PPP1CB: variants seen among roughly 807,000 people sequenced by gnomAD.
PPP1CB encodes serine/threonine-protein phosphatase PP1-beta catalytic subunit.
Under a neutral mutation model 43.7 loss-of-function variants are expected in PPP1CB, and 2 were observed. The ratio of observed to expected loss-of-function variants is 0.05; its 90% CI spans 0.02 to 0.14. The LOEUF is 0.14. Ranked by LOEUF, PPP1CB falls within the 10% of genes least tolerant of loss-of-function variation. The pLI is 1.00. For missense variants in PPP1CB, 84 were observed against 398.0 expected (o/e 0.21, Z 6.71); for synonymous variants, 136 against 135.6 (o/e 1.00, Z -0.02).
intron 1 of PPP1CB, among the ~76,000 whole-genome samples, chr2:28,761,372 G>C (rs955845428): frequency 2.6e-5 from 4 of 152,176 alleles, no homozygotes; most frequent in African/African-American, 9.7e-5. Context: ...ATATTAATAA[G>C]TATTGATACA....
chr2:28,778,638 C>G, intron 2 of PPP1CB, 171 bp from the exon 3 acceptor site: 2 of 588,548 alleles, frequency 3.4e-6, no homozygotes, highest in Non-Finnish European at 6.1e-6. Flanking sequence ...GTAACTTAAT[C>G]TTGGAAGTGA....
chr2:28,794,983 C>T (rs781281167), intron 7 of PPP1CB, among the ~76,000 whole-genome samples: 1 of 152,126 alleles, frequency 6.6e-6, no homozygotes, highest in Non-Finnish European at 1.5e-5. Context: ...TTTCATTTCA[C>T]ATTCCCCCTC....
chr2:28,791,624 G>A (rs546206298), intron 6 of PPP1CB, among the ~76,000 whole-genome samples: 8 of 152,126 alleles, frequency 5.3e-5, no homozygotes, highest in East Asian at 1.9e-4. Context: ...CACCTCGCCC[G>A]GCCTGACAAA....
chr2:28,756,434 G>A (rs1666490398), intron 1 of PPP1CB, among the ~76,000 whole-genome samples: 3 of 152,110 alleles, frequency 2.0e-5, no homozygotes, highest in Admixed American at 2.0e-4. Context: ...CTCTTAGTGC[G>A]TATCTCCCTT....
intron 1 of PPP1CB, among the ~76,000 whole-genome samples, chr2:28,764,275 A>G (rs1301748234): frequency 6.6e-6 from 1 of 151,876 alleles, no homozygotes; most frequent in African/African-American, 2.4e-5. Flanking sequence ...CCTAGCTAAC[A>G]TGCTGAAATC....
chr2:28,798,321 C>G (rs1371890991), intron 7 of PPP1CB, among the ~76,000 whole-genome samples: 1 of 152,066 alleles, frequency 6.6e-6, no homozygotes, highest in African/African-American at 2.4e-5. Context: ...GAATAGAGTT[C>G]TCATATGATG....
rs1666582870 is a variant in PPP1CB at position 28,759,297 on chromosome 2, C to T, written c.52+7121C>T. ...TTGGGAGGCCAAGGCAGGTGGACCA[C>T]TTGAGGTCAGGAGTTCGAGACCAGC... is the stretch of plus-strand genomic sequence containing the variant. On this transcript the variant is annotated intron_variant, in intron 1 of 7. Transcript: ENST00000395366. 2.0e-5 allele frequency among the ~76,000 whole-genome samples: 3 copies of T among 152,092 alleles called. No individual in the cohort carries two copies. The South Asian group carries it at 6.2e-4, about 32-fold the overall frequency.
chr2:28,755,967 C>T (rs139389497), intron 1 of PPP1CB, among the ~76,000 whole-genome samples: 1 of 152,292 alleles, frequency 6.6e-6, no homozygotes, highest in Admixed American at 6.5e-5. Flanking sequence ...CCCTGTAATT[C>T]CACAATCCAG....
chr2:28,780,084 C>CT (rs10559224), intron 3 of PPP1CB, among the ~76,000 whole-genome samples: 18,878 of 131,440 alleles, frequency 0.14, 1,963 homozygotes, highest in East Asian at 0.45. Context: ...TCTTTTCTTT[C>CT]TTTTTTTTTT....
chr2:28,788,612 A>C, intron 5 of PPP1CB, 46 bp from the exon 6 acceptor site: 1 of 1,578,924 alleles, frequency 6.3e-7, no homozygotes, highest in East Asian at 2.2e-5. Context: ...ATATTCTATA[A>C]ATCTGTAAAT....
At chr2:28,754,055 C>T (rs1666418953) in intron 1 of PPP1CB, among the ~76,000 whole-genome samples, 1 of 152,110 alleles carries the variant, frequency 6.6e-6, no homozygotes, top group Admixed American at 6.6e-5. Flanking sequence ...ATATTTTAAA[C>T]TTTGCTTGTA....
At chr2:28,786,609 C>A (rs1044544485) in intron 5 of PPP1CB, among the ~76,000 whole-genome samples, 2 of 151,276 alleles carry the variant, frequency 1.3e-5, no homozygotes, top group African/African-American at 4.9e-5. Flanking sequence ...ACGGTGAAAC[C>A]CCATCTCTAC....
chr2:28,802,856 C>T lies in PPP1CB; in HGVS notation c.*3553C>T, dbSNP rs954662174. 1.3e-5 allele frequency: 2 copies of T among 152,114 alleles called. No homozygotes were observed. The highest frequency in any genetic ancestry group is 2.1e-4 in the South Asian group (1 of 4,822). The allele number at this position is 152,114 out of a possible 1,614,324, so 9.4% of individuals were successfully genotyped here. On this transcript the variant is annotated 3_prime_UTR_variant, in exon 8 of 8. Coordinates refer to ENST00000395366, the MANE Select transcript of PPP1CB (RefSeq NM_002709.3). ...ACCTTCTACATTGGTTGACTTAGACCGTAAGCTTTTTAAGTTTCTCATTGT... is the reference window on the plus strand; with the variant it reads ...ACCTTCTACATTGGTTGACTTAGACTGTAAGCTTTTTAAGTTTCTCATTGT...
intron 5 of PPP1CB, among the ~76,000 whole-genome samples, chr2:28,786,315 T>C (rs1182862049): frequency 1.3e-5 from 2 of 152,116 alleles, no homozygotes; most frequent in East Asian, 3.9e-4. Flanking sequence ...GGTTTCACCA[T>C]GTTGGCCAGG....
intron 1 of PPP1CB, among the ~76,000 whole-genome samples, chr2:28,767,064 G>C (rs1026419486): frequency 2.0e-5 from 3 of 148,738 alleles, no homozygotes; most frequent in African/African-American, 7.4e-5. Flanking sequence ...CTGGGCAACA[G>C]AGCAAGACTC....
At chr2:28,774,701 C>T (rs1004684164) in intron 1 of PPP1CB, among the ~76,000 whole-genome samples, 1 of 152,204 alleles carries the variant, frequency 6.6e-6, no homozygotes, top group African/African-American at 2.4e-5. Context: ...GCTGGGATTA[C>T]AGGCATGAGC....
chr2:28,777,497 G>A (rs1667066736), intron 2 of PPP1CB, among the ~76,000 whole-genome samples: 1 of 152,190 alleles, frequency 6.6e-6, no homozygotes, highest in Non-Finnish European at 1.5e-5. Flanking sequence ...GATATCTGTG[G>A]TCTTCTAACT....
intron 3 of PPP1CB, among the ~76,000 whole-genome samples, chr2:28,781,082 G>A (rs968752079): frequency 6.6e-6 from 1 of 152,000 alleles, no homozygotes; most frequent in Non-Finnish European, 1.5e-5. Flanking sequence ...GGAAAAAAAT[G>A]AACTAAGAGC....
intron 1 of PPP1CB, among the ~76,000 whole-genome samples, chr2:28,775,210 C>T (rs1667009303): frequency 6.6e-6 from 1 of 152,076 alleles, no homozygotes; most frequent in Admixed American, 6.5e-5. Context: ...GTCAAGTGAA[C>T]GTTCCACCTC....
Sources: allele counts gnomAD v4.1 joint callset (sites outside exome capture counted in the v4.1 genomes callset), GRCh38; gene constraint gnomAD v4.1.1; transcripts MANE v1.5; gene names NCBI Gene and HGNC (gene_info 2026-07-23, HGNC 2026-07-21).